The following PHC3 variants were observed in gnomAD, a reference collection of about 807,000 sequenced individuals.
PHC3 encodes the protein polyhomeotic homolog 3.
Under a neutral mutation model 107.4 loss-of-function variants are expected in PHC3, and 13 were observed. The observed-to-expected ratio is 0.12, with a 90% CI of 0.08 to 0.19. PHC3 has a LOEUF of 0.19. Among genes scored for constraint, PHC3 ranks in the 10% least tolerant of loss-of-function variants. The probability of loss-of-function intolerance (pLI) is 1.00; values close to 1 mark genes in which losing one functional copy is unlikely to be tolerated. For missense variants in PHC3, 992 were observed against 1,210.9 expected (o/e 0.82, Z 2.68); for synonymous variants, 456 against 427.4 (o/e 1.07, Z -0.83).
chr3:170,091,939 C>A lies in PHC3; in HGVS notation c.*5291G>T, dbSNP rs1228862074. The A allele has an allele frequency of 1.3e-5, 2 of 152,096 alleles. No homozygotes were observed. Among genetic ancestry groups the A allele is most frequent in the Non-Finnish European group, 2.9e-5 (2 of 68,006 alleles). 9.4% of individuals were successfully genotyped at this position (152,096 alleles called of 1,614,324 possible). On this transcript the variant is annotated 3_prime_UTR_variant, in exon 15 of 15. Coordinates refer to ENST00000495893, the MANE Select transcript of PHC3 (RefSeq NM_024947.4). ...AGAAAGCTTATATAACTACTGTGAA[C>A]AAAACTATATGATACATTTTATGAA... is the stretch of plus-strand genomic sequence containing the variant.
chr3:170,138,391 C>T (rs922359848), intron 6 of PHC3, among the ~76,000 whole-genome samples: 6 of 151,692 alleles, frequency 4.0e-5, no homozygotes, highest in African/African-American at 9.7e-5. Context: ...TAAAGTTTAA[C>T]GCAAAAACAA....
At chr3:170,111,370 A>AG (rs1403000725) in intron 11 of PHC3, among the ~76,000 whole-genome samples, 3 of 146,772 alleles carry the variant, frequency 2.0e-5, no homozygotes, top group Admixed American at 6.7e-5. Flanking sequence ...AGGAAGGAAA[A>AG]AGAAAGAAAG....
intron 6 of PHC3, among the ~76,000 whole-genome samples, chr3:170,139,566 A>G (rs1336078335): frequency 1.1e-4 from 16 of 152,216 alleles, no homozygotes; most frequent in Admixed American, 1.0e-3. Flanking sequence ...TTTCTATAGA[A>G]TAATACTCCT....
Position 170,113,383 on chromosome 3 carries a change from T to C in PHC3, c.2330A>G (p.Glu777Gly). ...TKHADNSSDT[E>G]MEDMIAEETL... Reference sequence around the variant, plus strand: ...ACCTTCAGCAATCATGTCTTCCATCTCTGTGTCAGATGAATTATCCGCATG... The same window carrying C: ...ACCTTCAGCAATCATGTCTTCCATCCCTGTGTCAGATGAATTATCCGCATG... Residue 777 changes from glutamate to glycine, a missense_variant, in exon 11 of 15, where the codon GAG (glutamate) becomes GGG (glycine). Transcript: ENST00000495893. 1.9e-6 allele frequency: 3 copies of C among 1,610,050 alleles called. No individual in the cohort carries two copies. Among genetic ancestry groups the C allele is most frequent in the Non-Finnish European group, 1.7e-6 (2 of 1,178,428 alleles).
intron 7 of PHC3, 73 bp from the exon 8 acceptor site, chr3:170,129,625 A>G (rs950998882): frequency 1.5e-5 from 20 of 1,361,960 alleles, no homozygotes; most frequent in Non-Finnish European, 2.0e-5. Context: ...CTAAAGGAAA[A>G]AGTGTTCATT....
chr3:170,139,962 C>T (rs1723766070), intron 6 of PHC3, among the ~76,000 whole-genome samples: 1 of 151,992 alleles, frequency 6.6e-6, no homozygotes, highest in South Asian at 2.1e-4. Flanking sequence ...AAAAAGTCTA[C>T]ATTTTGCCTG....
chr3:170,126,923 T>G (rs1338915894), intron 8 of PHC3, among the ~76,000 whole-genome samples: 1 of 151,848 alleles, frequency 6.6e-6, no homozygotes, highest in East Asian at 1.9e-4. Context: ...TAAAGAAGTT[T>G]TTTTTTGTTT....
intron 10 of PHC3, among the ~76,000 whole-genome samples, chr3:170,116,410 T>C (rs1560042401): frequency 6.6e-6 from 1 of 151,774 alleles, no homozygotes; most frequent in African/African-American, 2.4e-5. Flanking sequence ...GTACTAAAAA[T>C]ACAAAAATTG....
At chr3:170,117,858 AC>A (rs1415746141) in intron 9 of PHC3, among the ~76,000 whole-genome samples, 2 of 151,474 alleles carry the variant, frequency 1.3e-5, no homozygotes, top group Middle Eastern at 3.2e-3. Context: ...AAAAAAAAAA[AC>A]AAAATTAGCA....
intron 10 of PHC3, among the ~76,000 whole-genome samples, chr3:170,116,014 A>G (rs1019479448): frequency 2.0e-5 from 3 of 152,146 alleles, no homozygotes; most frequent in African/African-American, 4.8e-5. Context: ...AAAATTTTTC[A>G]TATTTTTATA....
At chr3:170,175,748 C>T (rs565673089) in intron 2 of PHC3, among the ~76,000 whole-genome samples, 2 of 151,384 alleles carry the variant, frequency 1.3e-5, no homozygotes, top group African/African-American at 4.9e-5. Context: ...CATGGTGAAG[C>T]CCCATCTCTA....
chr3:170,108,790 C>A (rs1482732708), intron 11 of PHC3, among the ~76,000 whole-genome samples: 1 of 152,152 alleles, frequency 6.6e-6, no homozygotes, highest in African/African-American at 2.4e-5. Flanking sequence ...CTGAAAGAGT[C>A]CATTCCTCAG....
At chr3:170,175,466 T>C (rs1730277752) in intron 2 of PHC3, among the ~76,000 whole-genome samples, 2 of 152,058 alleles carry the variant, frequency 1.3e-5, no homozygotes, top group South Asian at 4.2e-4. Flanking sequence ...AGTGAGATCC[T>C]GTCTCTACAA....
At chr3:170,146,510 T>C (rs574644745) in intron 5 of PHC3, among the ~76,000 whole-genome samples, 1 of 150,178 alleles carries the variant, frequency 6.7e-6, no homozygotes, top group African/African-American at 2.4e-5. Context: ...TACTTATCAC[T>C]TTCCTTTTTT....
chr3:170,118,959 A>G (rs548567910), intron 9 of PHC3, among the ~76,000 whole-genome samples: 2 of 151,288 alleles, frequency 1.3e-5, no homozygotes, highest in South Asian at 4.2e-4. Context: ...ACCTAGTTTC[A>G]CCAAATAATC....
intron 10 of PHC3, among the ~76,000 whole-genome samples, chr3:170,116,546 G>A (rs1719005002): frequency 6.6e-6 from 1 of 151,676 alleles, no homozygotes; most frequent in Non-Finnish European, 1.5e-5. Context: ...CAGCCTGGGT[G>A]ACAGAGCGAG....
chr3:170,142,655 C>T (rs1180286988), intron 6 of PHC3, among the ~76,000 whole-genome samples: 4 of 152,208 alleles, frequency 2.6e-5, no homozygotes, highest in African/African-American at 9.6e-5. Flanking sequence ...TGAGCAGCAA[C>T]TTCACGCCTA....
intron 7 of PHC3, among the ~76,000 whole-genome samples, chr3:170,134,343 C>G (rs1309721060): frequency 1.3e-5 from 2 of 152,008 alleles, no homozygotes; most frequent in African/African-American, 2.4e-5. Flanking sequence ...GTGCCGGCCA[C>G]TACGCACGGC....
chr3:170,180,563 TG>T (rs1384669333), intron 1 of PHC3, among the ~76,000 whole-genome samples: 1 of 136,200 alleles, frequency 7.3e-6, no homozygotes, highest in Non-Finnish European at 1.6e-5. Flanking sequence ...TTTATGCTTC[TG>T]TTTTTTTTTT....
Sources: allele counts gnomAD v4.1 joint callset (sites outside exome capture counted in the v4.1 genomes callset), GRCh38; gene constraint gnomAD v4.1.1; transcripts MANE v1.5; gene names NCBI Gene and HGNC (gene_info 2026-07-23, HGNC 2026-07-21).